The following HSD3B7 variants were observed in gnomAD, a reference collection of about 807,000 sequenced individuals.
HSD3B7 encodes the protein 3 beta-hydroxysteroid dehydrogenase type 7.
HSD3B7 carries 35 observed loss-of-function variants against 34.3 expected under a neutral mutation model. That is an observed-to-expected ratio of 1.02 (90% CI 0.78 to 1.35). HSD3B7 has a LOEUF of 1.35. HSD3B7 is among the 40% of genes most tolerant of loss of function. The probability of loss-of-function intolerance (pLI) is 0.00; values close to 1 mark genes in which losing one functional copy is unlikely to be tolerated. For missense variants in HSD3B7, 426 were observed against 504.7 expected (o/e 0.84, Z 1.49); for synonymous variants, 217 against 220.1 (o/e 0.99, Z 0.13).
rs2056449708 is a variant in HSD3B7, at chr16:30,985,284, G to A, written c.-20G>A. On this transcript the variant is annotated 5_prime_UTR_variant, in exon 1 of 7. Transcript: ENST00000297679. ...CTCCAGGCCAGTCTGGGCACCCTGG[G>A]ATAGCGGCTGCAGGTAGGCAGAGGC... The A allele has an allele frequency of 8.4e-7, 1 of 1,187,090 alleles. No individual in the cohort carries two copies. The highest frequency in any genetic ancestry group is 1.1e-6 in the Non-Finnish European group (1 of 944,074). 73.5% of individuals were successfully genotyped at this position (1,187,090 alleles called of 1,614,324 possible).
In HSD3B7 at chr16:30,988,214, C is replaced by T. The variant is rs372707052; in HGVS notation, c.*31C>T. ...GGGCTGGGGCCTGGAGGCCCAGATACAGCACATCCACCCAGGTCCCGAGCC... is the reference window on the plus strand; with the variant it reads ...GGGCTGGGGCCTGGAGGCCCAGATATAGCACATCCACCCAGGTCCCGAGCC... On this transcript the variant is annotated 3_prime_UTR_variant, in exon 7 of 7. Coordinates refer to ENST00000297679, the MANE Select transcript of HSD3B7 (RefSeq NM_025193.4). The T allele has an allele frequency of 3.7e-4, 570 of 1,561,424 alleles. 5 individuals are homozygous for T. The highest frequency in any genetic ancestry group is 3.2e-3 in the Middle Eastern group (19 of 5,930).
At chr16:30,985,847 G>A (rs199641017) in intron 2 of HSD3B7, 23 bp downstream of exon 2, 16 of 1,592,398 alleles carry the variant, frequency 1.0e-5, no homozygotes, top group Non-Finnish European at 1.3e-5. Context: ...GGAGCTTGTG[G>A]TGGAGAGGGT....
intron 2 of HSD3B7, 112 bp from the exon 3 acceptor site, chr16:30,985,937 G>A (rs1286791544): frequency 1.3e-6 from 2 of 1,578,442 alleles, no homozygotes; most frequent in Non-Finnish European, 1.7e-6. Flanking sequence ...CTGTCCACAT[G>A]GATGGGTCGA....
At position 30,985,830 on chromosome 16, in the gene HSD3B7, T is replaced by A; in HGVS notation, c.166+6T>A. On this transcript the variant is annotated splice_donor_region_variant and intron_variant, in intron 2 of 6. Coordinates refer to ENST00000297679, the MANE Select transcript of HSD3B7 (RefSeq NM_025193.4). ...GCTGGAGGAGCTGAAGACAGGTTCT[T>A]GTTGGGGGAGCTTGTGGTGGAGAGG... 1 of 1,598,014 alleles carries A rather than the reference T, an allele frequency of 6.3e-7. No individual in the cohort carries two copies. The highest frequency in any genetic ancestry group is 8.5e-7 in the Non-Finnish European group (1 of 1,173,494).
At chr16:30,985,556 C>A in intron 1 of HSD3B7, 97 bp from the exon 2 acceptor site, 1 of 1,533,488 alleles carries the variant, frequency 6.5e-7, no homozygotes, top group Non-Finnish European at 8.7e-7. Context: ...TCCCCGCAAA[C>A]GCCAGCCTCG....
chr16:30,988,319 G>GTA lies in HSD3B7; in HGVS notation c.*137_*138dup. On this transcript the variant is annotated 3_prime_UTR_variant, in exon 7 of 7. Transcript: ENST00000297679. ...TGGGGCCAGAATGGCTGTCCTTGTCGTAGAGCCCTCCACATTTTCTTTTTC... is the reference window on the plus strand; with the variant it reads ...TGGGGCCAGAATGGCTGTCCTTGTCGTATAGAGCCCTCCACATTTTCTTTTTC... 1 of 779,762 alleles carries GTA rather than the reference G, an allele frequency of 1.3e-6. No homozygotes were observed. The allele number at this position is 779,762 out of a possible 1,614,324, so 48.3% of individuals were successfully genotyped here.
At position 30,986,436 on chromosome 16, in the gene HSD3B7, G is replaced by C. The variant is rs1334482924; in HGVS notation, c.336G>C (p.Val112=). 1 of 1,614,136 alleles carries C rather than the reference G, an allele frequency of 6.2e-7. No individual in the cohort carries two copies. The highest frequency in any genetic ancestry group is 1.1e-5 in the South Asian group (1 of 91,084). Residue 112 remains valine (V), a synonymous_variant, in exon 4 of 7, where the codon GTG becomes GTC. Coordinates refer to ENST00000297679, the MANE Select transcript of HSD3B7 (RefSeq NM_025193.4). ...CTCCTCTGCCAGGTACCCGGAACGT[G>C]ATCGAGGCTTGTGTGCAGACCGGAA... The part of the protein sequence containing the change: ...HEVNVQGTRN[V]IEACVQTGTR...
At position 30,986,696 on chromosome 16, in the gene HSD3B7, G is replaced by T. The variant is rs370554987; in HGVS notation, c.523G>T (p.Gly175Trp). The T allele has an allele frequency of 1.2e-6, 2 of 1,613,894 alleles. No homozygotes were observed. The highest frequency in any genetic ancestry group is 2.7e-5 in the African/African-American group (2 of 74,944). ...LAEWLVLEAN[G>W]RKVRGGLPLV... Reference sequence around the variant, plus strand: ...CGAGTGGCTGGTCCTGGAGGCCAACGGGAGGAAGGTGAGCCCAGAAAAAGG... The same window carrying T: ...CGAGTGGCTGGTCCTGGAGGCCAACTGGAGGAAGGTGAGCCCAGAAAAAGG... Residue 175 changes from glycine to tryptophan, a missense_variant, in exon 5 of 7, where the codon GGG (glycine) becomes TGG (tryptophan). Coordinates refer to ENST00000297679, the MANE Select transcript of HSD3B7 (RefSeq NM_025193.4).
In HSD3B7 at chr16:30,988,742, T is replaced by G. The variant is rs527682473; in HGVS notation, c.*559T>G. The G allele has an allele frequency of 1.5e-3, 230 of 154,592 alleles. 1 individual carries two copies. Among genetic ancestry groups the G allele is most frequent in the Non-Finnish European group, 2.6e-3 (180 of 69,458 alleles). 9.6% of individuals were successfully genotyped at this position (154,592 alleles called of 1,614,324 possible). A position where few individuals can be genotyped will look rare whatever the true frequency, so the allele number is the denominator to read the frequency against. On this transcript the variant is annotated 3_prime_UTR_variant, in exon 7 of 7. Coordinates refer to ENST00000297679, the MANE Select transcript of HSD3B7 (RefSeq NM_025193.4). ...GGGTTTGGGGACAGAGTGTCCTTCC[T>G]CTGTCCTCTCATCCCAGTCCTGATG... is the stretch of plus-strand genomic sequence containing the variant.
At position 30,986,921 on chromosome 16, in the gene HSD3B7, T is replaced by C. The variant is rs2056489352; in HGVS notation, c.613T>C (p.Phe205Leu). The C allele has an allele frequency of 1.9e-6, 3 of 1,613,836 alleles. No individual in the cohort carries two copies. The African/African-American group carries it at 4.0e-5, about 21-fold the overall frequency. The stretch of plus-strand genomic sequence containing the variant: ...TGAAGGCCACCAGATCATGAGGGAC[T>C]TCTACCGCCAGGGCCTGCGCCTGGG... ...YGEGHQIMRD[F>L]YRQGLRLGGW... is the part of the protein sequence containing the mutation. Residue 205 changes from phenylalanine (F) to leucine (L), a missense_variant, in exon 6 of 7, where the codon TTC becomes CTC. Phe to Leu is a conservative substitution (Grantham distance 22). Coordinates refer to ENST00000297679, the MANE Select transcript of HSD3B7 (RefSeq NM_025193.4).
At position 30,988,062 on chromosome 16, in the gene HSD3B7, C is replaced by A; in HGVS notation, c.989C>A (p.Thr330Asn). Reference sequence around the variant, plus strand: ...TACACGCTGGCCGTGGCCAACACCACCTTCACCGTCAGCACCGACAAGGCT... The same window carrying A: ...TACACGCTGGCCGTGGCCAACACCAACTTCACCGTCAGCACCGACAAGGCT... ...NPYTLAVANT[T>N]FTVSTDKAQR... is the part of the protein sequence containing the mutation. The change falls in exon 7 of 7, where the codon ACC (threonine) becomes AAC (asparagine). Residue 330 changes from threonine (T) to asparagine (N), a missense_variant. Physicochemically the swap from Thr to Asn is moderately conservative, Grantham distance 65. Transcript: ENST00000297679. 4 of 1,606,456 alleles carry A rather than the reference C, an allele frequency of 2.5e-6. No homozygotes were observed. The highest frequency in any genetic ancestry group is 3.4e-6 in the Non-Finnish European group (4 of 1,179,650).
chr16:30,986,563 C>T, intron 4 of HSD3B7, 32 bp downstream of exon 4: 1 of 1,612,260 alleles, frequency 6.2e-7, no homozygotes, highest in Non-Finnish European at 8.5e-7. Context: ...CCTCTAAGAG[C>T]CCATTTCCCT....
Position 30,988,142 on chromosome 16 carries a change from A to G in HSD3B7, c.1069A>G (p.Thr357Ala). The G allele has an allele frequency of 1.2e-6, 2 of 1,605,566 alleles. No homozygotes were observed. Among genetic ancestry groups the G allele is most frequent in the Non-Finnish European group, 1.7e-6 (2 of 1,178,892 alleles). The change falls in exon 7 of 7, where the codon ACC becomes GCC. Residue 357 changes from threonine (T) to alanine (A), a missense_variant. Physicochemically the swap from Thr to Ala is moderately conservative, Grantham distance 58. Transcript: ENST00000297679. ...LFSWEDSRTR[T>A]ILWVQAATGS... is the part of the protein sequence containing the mutation. ...CTCGTGGGAGGATAGCCGGACCCGTACCATTCTCTGGGTACAGGCCGCTAC... is the reference window on the plus strand; with the variant it reads ...CTCGTGGGAGGATAGCCGGACCCGTGCCATTCTCTGGGTACAGGCCGCTAC...
Position 30,986,182 on chromosome 16 carries a change from C to G in HSD3B7, c.300C>G (p.Thr100=). The G allele has an allele frequency of 6.2e-7, 1 of 1,614,070 alleles. No homozygotes were observed. The highest frequency in any genetic ancestry group is 8.5e-7 in the Non-Finnish European group (1 of 1,179,996). Reference sequence around the variant, plus strand: ...TGTTTGGCAGGGCCAGTCCCAAGACCATCCATGAGGTCAACGTGCAGGGTG... The same window carrying G: ...TGTTTGGCAGGGCCAGTCCCAAGACGATCCATGAGGTCAACGTGCAGGGTG... The part of the protein sequence containing the change: ...VDVFGRASPK[T]IHEVNVQGTR... Residue 100 remains threonine (T), a synonymous_variant, in exon 3 of 7, where the codon ACC becomes ACG. Coordinates refer to ENST00000297679, the MANE Select transcript of HSD3B7 (RefSeq NM_025193.4).
At chr16:30,986,802 G>A (rs765724022) in intron 5 of HSD3B7, 38 bp from the exon 6 acceptor site, 17 of 1,613,590 alleles carry the variant, frequency 1.1e-5, no homozygotes, top group South Asian at 4.4e-5. Context: ...GCAAGCTGTC[G>A]GGTCCCAGGT....
chr16:30,988,277 A>G lies in HSD3B7; in HGVS notation c.*94A>G. 1 of 1,235,310 alleles carries G rather than the reference A, an allele frequency of 8.1e-7. No homozygotes were observed. The highest frequency in any genetic ancestry group is 1.1e-6 in the Non-Finnish European group (1 of 891,128). The allele number at this position is 1,235,310 out of a possible 1,614,324, so 76.5% of individuals were successfully genotyped here. On this transcript the variant is annotated 3_prime_UTR_variant, in exon 7 of 7. Coordinates refer to ENST00000297679, the MANE Select transcript of HSD3B7 (RefSeq NM_025193.4). Reference sequence around the variant, plus strand: ...ACGGGAAGGGACAGCTGCATTCCAGAGCAGGAGGCAGGGCTCTGGGGCCAG... The same window carrying G: ...ACGGGAAGGGACAGCTGCATTCCAGGGCAGGAGGCAGGGCTCTGGGGCCAG...
At position 30,988,120 on chromosome 16, in the gene HSD3B7, G is replaced by C. The variant is rs746926891; in HGVS notation, c.1047G>C (p.Ser349=). Residue 349 remains serine (S), a synonymous_variant, in exon 7 of 7, where the codon TCG becomes TCC. Coordinates refer to ENST00000297679, the MANE Select transcript of HSD3B7 (RefSeq NM_025193.4). ...QRHFGYEPLF[S]WEDSRTRTIL... is the part of the protein sequence containing the mutation. ...ATTTCGGCTATGAGCCCCTGTTCTC[G>C]TGGGAGGATAGCCGGACCCGTACCA... The C allele has an allele frequency of 1.5e-5, 24 of 1,606,382 alleles. No homozygotes were observed. In the African/African-American group the frequency reaches 2.9e-4, roughly 20 times the overall value.
chr16:30,986,666 C>T lies in HSD3B7; in HGVS notation c.493C>T (p.Leu165=), dbSNP rs780652987. The T allele has an allele frequency of 1.9e-6, 3 of 1,614,202 alleles. No individual in the cohort carries two copies. The highest frequency in any genetic ancestry group is 2.5e-6 in the Non-Finnish European group (3 of 1,180,046). Residue 165 remains leucine (L), a synonymous_variant, in exon 5 of 7, where the codon CTG becomes TTG. Coordinates refer to ENST00000297679, the MANE Select transcript of HSD3B7 (RefSeq NM_025193.4). ...HRHPYPCSKA[L]AEWLVLEANG... ...GCACCCCTATCCTTGCAGCAAGGCCCTGGCCGAGTGGCTGGTCCTGGAGGC... is the reference window on the plus strand; with the variant it reads ...GCACCCCTATCCTTGCAGCAAGGCCTTGGCCGAGTGGCTGGTCCTGGAGGC...
In HSD3B7 at chr16:30,988,672, T is replaced by C. The variant is rs2056522974; in HGVS notation, c.*489T>C. ...TCAATCCAGGAGCCTTGAGTCTGTG[T>C]TGTGTCCTGACACCTCCAAGTTCTA... On this transcript the variant is annotated 3_prime_UTR_variant, in exon 7 of 7. Transcript: ENST00000297679. 1 of 163,768 alleles carries C rather than the reference T, an allele frequency of 6.1e-6. No individual in the cohort carries two copies. Among genetic ancestry groups the C allele is most frequent in the African/African-American group, 2.4e-5 (1 of 41,590 alleles). The allele number at this position is 163,768 out of a possible 1,614,324, so 10.1% of individuals were successfully genotyped here.
Sources: allele counts gnomAD v4.1 joint callset, GRCh38; gene constraint gnomAD v4.1.1; transcripts MANE v1.5; gene names NCBI Gene and HGNC (gene_info 2026-07-23, HGNC 2026-07-21).